Variants in LRRTM3 observed in about 807,000 individuals in gnomAD.
LRRTM3 encodes the protein leucine-rich repeat transmembrane neuronal protein 3.
In LRRTM3, 24 loss-of-function variants were observed where a neutral mutation model predicts 44.7. That is an observed-to-expected ratio of 0.54 (90% CI 0.39 to 0.76). The LOEUF (loss-of-function observed/expected upper bound fraction) is 0.76, where lower values mean the gene tolerates loss of function less well. Among genes scored for constraint, LRRTM3 ranks in the 30% least tolerant of loss-of-function variants. The pLI is 0.00. For missense variants in LRRTM3, 587 were observed against 702.2 expected (o/e 0.84, Z 1.85); for synonymous variants, 277 against 278.7 (o/e 0.99, Z 0.06).
At chr10:67,034,457 T>C (rs774984542) in intron 2 of LRRTM3, among the ~76,000 whole-genome samples, 1 of 152,224 alleles carries the variant, frequency 6.6e-6, no homozygotes, top group Non-Finnish European at 1.5e-5. Flanking sequence ...TCACATCTTC[T>C]AGTGTCCAGT....
intron 2 of LRRTM3, among the ~76,000 whole-genome samples, chr10:66,994,394 T>C (rs1317287574): frequency 6.6e-6 from 1 of 152,192 alleles, no homozygotes; most frequent in Admixed American, 6.5e-5. Flanking sequence ...TTAGCTCACT[T>C]AATAAATGGA....
chr10:66,944,347 G>C (rs1395581220), intron 2 of LRRTM3, among the ~76,000 whole-genome samples: 1 of 152,130 alleles, frequency 6.6e-6, no homozygotes, highest in Non-Finnish European at 1.5e-5. Context: ...GTTTGATCAT[G>C]AGGTTGCAGC....
intron 2 of LRRTM3, among the ~76,000 whole-genome samples, chr10:67,016,263 T>C (rs1852652640): frequency 6.6e-6 from 1 of 152,230 alleles, no homozygotes; most frequent in Admixed American, 6.5e-5. Context: ...AGGGGATAGC[T>C]GGAAATGTAC....
chr10:67,056,919 C>T (rs2764812), intron 2 of LRRTM3, among the ~76,000 whole-genome samples: 96,706 of 151,922 alleles, frequency 0.64, 31,138 homozygotes, highest in East Asian at 0.78. Flanking sequence ...CTGAGTGAAT[C>T]TGCTCATGCT....
chr10:66,936,400 C>T (rs547323862), intron 2 of LRRTM3, among the ~76,000 whole-genome samples: 2 of 152,246 alleles, frequency 1.3e-5, no homozygotes, highest in South Asian at 4.1e-4. Flanking sequence ...TTTGCCATCA[C>T]ATTCTTAAAT....
chr10:66,958,470 T>TCA, intron 2 of LRRTM3, among the ~76,000 whole-genome samples: 1 of 149,702 alleles, frequency 6.7e-6, no homozygotes, highest in Admixed American at 6.6e-5. Context: ...CTTTTTTTTT[T>TCA]AAAAAAAATA....
chr10:66,987,028 A>C (rs1267341907), intron 2 of LRRTM3, among the ~76,000 whole-genome samples: 1 of 152,128 alleles, frequency 6.6e-6, no homozygotes, highest in Non-Finnish European at 1.5e-5. Context: ...GAAGAAACCA[A>C]GCAGATATAC....
At chr10:66,939,819 C>T (rs755242387) in intron 2 of LRRTM3, among the ~76,000 whole-genome samples, 1 of 152,088 alleles carries the variant, frequency 6.6e-6, no homozygotes, top group Non-Finnish European at 1.5e-5. Flanking sequence ...ACCTTGCAGT[C>T]CATTTTTTTT....
intron 2 of LRRTM3, among the ~76,000 whole-genome samples, chr10:66,976,086 G>A (rs958265059): frequency 4.6e-5 from 7 of 151,718 alleles, no homozygotes; most frequent in Non-Finnish European, 8.9e-5. Flanking sequence ...AATACTTACT[G>A]TTAGGTGCTA....
At position 66,926,092 on chromosome 10, in the gene LRRTM3, C is replaced by T. The variant is rs1437533917; in HGVS notation, c.-492C>T. 4.4e-6 allele frequency: 2 copies of T among 458,008 alleles called. No homozygotes were observed. The highest frequency in any genetic ancestry group is 8.8e-6 in the Non-Finnish European group (2 of 227,892). 28.4% of individuals were successfully genotyped at this position (458,008 alleles called of 1,614,324 possible). ...TGCAGAAGTGAGCTGAGCGTGTGCG[C>T]GGTACGGGGCTCTCCTGCCTTCTGG... On this transcript the variant is annotated 5_prime_UTR_variant, in exon 1 of 3. Coordinates refer to ENST00000361320, the MANE Select transcript of LRRTM3 (RefSeq NM_178011.5).
At chr10:67,060,191 G>A (rs569517021) in intron 2 of LRRTM3, among the ~76,000 whole-genome samples, 6 of 152,180 alleles carry the variant, frequency 3.9e-5, no homozygotes, top group East Asian at 3.9e-4. Flanking sequence ...GATGACATGC[G>A]CCTGTAGTCT....
At chr10:66,959,548 G>A (rs183408089) in intron 2 of LRRTM3, among the ~76,000 whole-genome samples, 1 of 152,202 alleles carries the variant, frequency 6.6e-6, no homozygotes, top group Non-Finnish European at 1.5e-5. Context: ...CCATGAGCTT[G>A]GGAAAGAGAA....
chr10:67,085,445 G>T (rs889762894), intron 2 of LRRTM3, among the ~76,000 whole-genome samples: 2 of 151,736 alleles, frequency 1.3e-5, no homozygotes, highest in Non-Finnish European at 2.9e-5. Flanking sequence ...ACACTGAGAA[G>T]AGCTATTCAC....
intron 2 of LRRTM3, among the ~76,000 whole-genome samples, chr10:66,951,921 CT>C (rs541632879): frequency 6.6e-6 from 1 of 152,292 alleles, no homozygotes; most frequent in Admixed American, 6.5e-5. Context: ...GAACCTTCAT[CT>C]TTAATGGACA....
Position 67,100,457 on chromosome 10 carries a change from T to C in LRRTM3, c.*2661T>C, listed in dbSNP as rs1858276087. On this transcript the variant is annotated 3_prime_UTR_variant, in exon 3 of 3. Coordinates refer to ENST00000361320, the MANE Select transcript of LRRTM3 (RefSeq NM_178011.5). ...TGAGGGTGGTGACAATCTGAAAGAC[T>C]GTGTCTGGAATCTTTATCACATATT... Among the ~76,000 whole-genome samples, 1 of 151,788 alleles carries C rather than the reference T, an allele frequency of 6.6e-6. No homozygotes were observed. Among genetic ancestry groups the C allele is most frequent in the African/African-American group, 2.4e-5 (1 of 41,392 alleles).
intron 2 of LRRTM3, among the ~76,000 whole-genome samples, chr10:66,953,470 T>C (rs1848639949): frequency 6.6e-6 from 1 of 152,192 alleles, no homozygotes; most frequent in Admixed American, 6.5e-5. Flanking sequence ...ACATTTTTTT[T>C]CTGTACTTTC....
intron 2 of LRRTM3, among the ~76,000 whole-genome samples, chr10:66,968,042 T>C (rs970201838): frequency 2.6e-5 from 4 of 152,086 alleles, no homozygotes; most frequent in African/African-American, 7.2e-5. Flanking sequence ...AAATTTATAC[T>C]CTGAGCATGA....
intron 2 of LRRTM3, among the ~76,000 whole-genome samples, chr10:67,060,241 C>T (rs1390249407): frequency 1.3e-5 from 2 of 152,064 alleles, no homozygotes; most frequent in African/African-American, 4.8e-5. Flanking sequence ...TTAATTGGGC[C>T]TGGGAGGTAG....
At chr10:66,971,628 G>C (rs1849729779) in intron 2 of LRRTM3, among the ~76,000 whole-genome samples, 2 of 152,188 alleles carry the variant, frequency 1.3e-5, no homozygotes, top group South Asian at 4.1e-4. Flanking sequence ...TGCCCACTTA[G>C]AGTAAACACT....
Sources: gnomAD v4.1 joint callset for allele counts (sites outside exome capture counted in the v4.1 genomes callset) on GRCh38, gnomAD v4.1.1 for gene constraint, MANE v1.5 for transcripts, NCBI Gene and HGNC (gene_info 2026-07-23, HGNC 2026-07-21) for gene names.